SLIT1: variants seen among roughly 807,000 people sequenced by gnomAD.
SLIT1 encodes slit guidance ligand 1.
In SLIT1, 66 loss-of-function variants were observed where a neutral mutation model predicts 186.1. The ratio of observed to expected loss-of-function variants is 0.35; its 90% CI spans 0.29 to 0.44. The LOEUF is 0.44. SLIT1 is among the 20% of genes least tolerant of loss of function. The probability of loss-of-function intolerance (pLI) is 1.00; values close to 1 mark genes in which losing one functional copy is unlikely to be tolerated. For synonymous variants in SLIT1, 761 were observed against 833.8 expected (o/e 0.91, Z 1.50); for missense variants, 1,638 against 2,037.4 (o/e 0.80, Z 3.77).
At chr10:97,025,514 C>A (rs921622637) in intron 25 of SLIT1, among the ~76,000 whole-genome samples, 10 of 152,080 alleles carry the variant, frequency 6.6e-5, no homozygotes, top group Admixed American at 5.2e-4. Flanking sequence ...TTCGGTAGTA[C>A]TTGTAGTTTG....
rs905859949 is a variant in SLIT1, at chr10:97,068,084, A to C, written c.414-1998T>G. Reference sequence around the variant, plus strand: ...ACTGGACCAGCTGCTGCTGCACCCCAGCACCTAGGACAGTGCCTGGCCCAC... The same window carrying C: ...ACTGGACCAGCTGCTGCTGCACCCCCGCACCTAGGACAGTGCCTGGCCCAC... On this transcript the variant is annotated intron_variant, in intron 4 of 36. Transcript: ENST00000266058. This position sits in a 1 kb window ranked among gnomAD's most constrained non-coding sequence, Gnocchi z 4.2. 2.0e-5 allele frequency among the ~76,000 whole-genome samples: 3 copies of C among 152,188 alleles called. No homozygotes were observed. The highest frequency in any genetic ancestry group is 7.2e-5 in the African/African-American group (3 of 41,436).
Position 97,064,836 on chromosome 10 carries a change from C to T in SLIT1, c.526G>A (p.Ala176Thr), listed in dbSNP as rs1190987866. ...TCCAGCCCCCGCAGAGCACGGAAGG[C>T]CCCTTCCTCAATGCAGCTGATCTGG... ...KNQISCIEEG[A>T]FRALRGLEVL... The change falls in exon 6 of 37, where the codon GCC becomes ACC. Residue 176 changes from alanine (A) to threonine (T), a missense_variant. Transcript: ENST00000266058. 1 of 1,612,396 alleles carries T rather than the reference C, an allele frequency of 6.2e-7. No individual in the cohort carries two copies. Among genetic ancestry groups the T allele is most frequent in the African/African-American group, 1.3e-5 (1 of 74,954 alleles).
chr10:97,165,721 G>T (rs1850096182), intron 1 of SLIT1, among the ~76,000 whole-genome samples: 1 of 152,110 alleles, frequency 6.6e-6, no homozygotes, highest in South Asian at 2.1e-4. Context: ...CCTGACAGGA[G>T]GCCAGTCCTG....
intron 28 of SLIT1, among the ~76,000 whole-genome samples, chr10:97,017,279 G>A (rs1157681676): frequency 6.6e-6 from 1 of 152,216 alleles, no homozygotes; most frequent in East Asian, 1.9e-4. Context: ...GCAACCAGGG[G>A]AAGAGAGGCC....
intron 4 of SLIT1, among the ~76,000 whole-genome samples, chr10:97,144,019 GA>G (rs1218417254): frequency 6.6e-6 from 1 of 152,118 alleles, no homozygotes; most frequent in Non-Finnish European, 1.5e-5. Flanking sequence ...CCAACATGGC[GA>G]AACCCCGTCT....
chr10:97,027,987 C>T (rs1379470666), intron 25 of SLIT1, among the ~76,000 whole-genome samples: 3 of 152,196 alleles, frequency 2.0e-5, no homozygotes, highest in African/African-American at 4.8e-5. Flanking sequence ...AAAGTGGACA[C>T]TCGGCTATGC....
intron 4 of SLIT1, among the ~76,000 whole-genome samples, chr10:97,119,804 A>G (rs1320831002): frequency 6.6e-6 from 1 of 151,242 alleles, no homozygotes; most frequent in Non-Finnish European, 1.5e-5. Context: ...TCTCACCTGG[A>G]GCAAATATGC....
chr10:97,136,627 T>TTA (rs1356234296), intron 4 of SLIT1, among the ~76,000 whole-genome samples: 3 of 152,190 alleles, frequency 2.0e-5, no homozygotes, highest in Non-Finnish European at 4.4e-5. Context: ...TGCCCGGCGT[T>TTA]TTATAGAGTA....
At position 97,002,221 on chromosome 10, in the gene SLIT1, A is replaced by G. The variant is rs1447913610; in HGVS notation, c.4303T>C (p.Ser1435Pro). ...LQCLHGHCQA[S>P]GTKGAHCVCD... ...ACACAGTGTGCCCCCTTGGTGCCTG[A>G]GGCCTGGCAGTGGCCATGCAGGCAC... Residue 1435 changes from serine (S) to proline (P), a missense_variant, in exon 36 of 37, where the codon TCA becomes CCA. Ser to Pro is a moderately conservative substitution (Grantham distance 74, BLOSUM62 -1). Around this residue, in one of 3 missense-constraint regions of SLIT1, gnomAD observed 220 missense variants for 211.3 expected, o/e 1.04. Transcript: ENST00000266058. The G allele has an allele frequency of 1.3e-6, 2 of 1,586,542 alleles. No individual in the cohort carries two copies. Among genetic ancestry groups the G allele is most frequent in the Admixed American group, 3.5e-5 (2 of 57,492 alleles).
At chr10:97,041,473 ATT>A (rs57619741) in intron 20 of SLIT1, among the ~76,000 whole-genome samples, 26 of 138,394 alleles carry the variant, frequency 1.9e-4, no homozygotes, top group Non-Finnish European at 1.2e-4. Context: ...CAAATCGTTA[ATT>A]TTTTTTTTTT....
At chr10:97,179,214 T>C (rs1850297861) in intron 1 of SLIT1, among the ~76,000 whole-genome samples, 1 of 152,340 alleles carries the variant, frequency 6.6e-6, no homozygotes, top group South Asian at 2.1e-4. Flanking sequence ...GGCATTACTC[T>C]ATTCTAATTA....
At chr10:97,185,204 G>C (rs965415234) in intron 1 of SLIT1, among the ~76,000 whole-genome samples, 1 of 152,264 alleles carries the variant, frequency 6.6e-6, no homozygotes, top group Non-Finnish European at 1.5e-5. Context: ...GCGCAGTGAG[G>C]AGGGCCTGAG....
intron 4 of SLIT1, chr10:97,102,001 G>A (rs1441657900): frequency 1.3e-5 from 2 of 152,210 alleles, no homozygotes; most frequent in Non-Finnish European, 2.9e-5. Context: ...TTCTCAAAGG[G>A]TGGTCGTGGA....
chr10:97,033,683 G>A (rs1848611393), intron 23 of SLIT1, among the ~76,000 whole-genome samples: 1 of 152,032 alleles, frequency 6.6e-6, no homozygotes, highest in South Asian at 2.1e-4. Flanking sequence ...GATTCCACTT[G>A]AACAAAGTGA....
At chr10:97,142,962 TA>T (rs201695824) in intron 4 of SLIT1, among the ~76,000 whole-genome samples, 14 of 151,338 alleles carry the variant, frequency 9.3e-5, no homozygotes, top group Non-Finnish European at 1.3e-4. Context: ...TGGCTACTGT[TA>T]AAAAAAAAGA....
At chr10:97,012,448 G>A (rs2134593064) in intron 30 of SLIT1, among the ~76,000 whole-genome samples, 1 of 152,340 alleles carries the variant, frequency 6.6e-6, no homozygotes, top group Non-Finnish European at 1.5e-5. Context: ...AGGACAGGCA[G>A]TTGAGAGAAC....
At chr10:97,049,945 C>T (rs758590565) in intron 13 of SLIT1, among the ~76,000 whole-genome samples, 5 of 152,276 alleles carry the variant, frequency 3.3e-5, no homozygotes, top group Non-Finnish European at 7.4e-5. Flanking sequence ...TGACAAACAG[C>T]AGGTTCAGAC....
chr10:97,105,963 G>A (rs1849409983), intron 4 of SLIT1, among the ~76,000 whole-genome samples: 1 of 152,248 alleles, frequency 6.6e-6, no homozygotes, highest in African/African-American at 2.4e-5. Flanking sequence ...GAACCTCTAG[G>A]CAAGAAGGTC....
intron 4 of SLIT1, among the ~76,000 whole-genome samples, chr10:97,083,071 C>T (rs952923690): frequency 3.3e-5 from 5 of 152,086 alleles, no homozygotes; most frequent in Admixed American, 1.3e-4. Flanking sequence ...GGGCACACCC[C>T]CACCATGCTC....
Sources: gnomAD v4.1 joint callset for allele counts (sites outside exome capture counted in the v4.1 genomes callset) on GRCh38, gnomAD v4.1.1 for gene constraint, gnomAD v4.1.1 regional missense constraint, Gnocchi (gnomAD v3.1) non-coding constraint, MANE v1.5 for transcripts, NCBI Gene and HGNC (gene_info 2026-07-23, HGNC 2026-07-21) for gene names.